Variants in ARMC2 observed in about 807,000 individuals in gnomAD.
ARMC2 encodes the protein armadillo repeat containing 2.
Under a neutral mutation model 90.3 loss-of-function variants are expected in ARMC2, and 67 were observed. The observed-to-expected ratio is 0.74, with a 90% confidence interval of 0.61 to 0.91. The LOEUF is 0.91. ARMC2 is among the 40% of genes least tolerant of loss of function. The pLI, the probability that ARMC2 is intolerant of heterozygous loss-of-function variation, is 0.00. For missense variants in ARMC2, 920 were observed against 1,030.9 expected (o/e 0.89, Z 1.47); for synonymous variants, 393 against 393.0 (o/e 1.00, Z 0.00).
At chr6:108,988,585 T>A in the ARMC2 span, 1 of 1,613,352 alleles carries the variant, frequency 6.2e-7, no homozygotes, top group South Asian at 1.1e-5. Context: ...TATCATACAT[T>A]CTTTTGGTAA....
chr6:108,918,745 G>A (rs944437680), intron 10 of ARMC2, among the ~76,000 whole-genome samples: 1 of 152,170 alleles, frequency 6.6e-6, no homozygotes, highest in Non-Finnish European at 1.5e-5. Flanking sequence ...TCTCTAAAGT[G>A]CTGACTATGC....
the ARMC2 span, chr6:109,009,419 A>C: frequency 2.0e-5 from 29 of 1,453,872 alleles, no homozygotes; most frequent in African/African-American, 3.7e-4. Context: ...AGACCGCCAA[A>C]GGGGCCGTGT....
chr6:108,967,982 C>T (rs1376347167), intron 17 of ARMC2, among the ~76,000 whole-genome samples: 1 of 152,194 alleles, frequency 6.6e-6, no homozygotes, highest in Non-Finnish European at 1.5e-5. Context: ...GAAATCTATA[C>T]TTCTTATATA....
the ARMC2 span, among the ~76,000 whole-genome samples, chr6:108,979,657 A>C: frequency 6.6e-6 from 1 of 151,988 alleles, no homozygotes; most frequent in Non-Finnish European, 1.5e-5. Context: ...GTCTTTTCAC[A>C]TAGTCCCCTA....
At chr6:108,988,495 C>T in the ARMC2 span, 15 of 1,526,762 alleles carry the variant, frequency 9.8e-6, no homozygotes, top group African/African-American at 9.7e-5. Flanking sequence ...AAGGAGACTA[C>T]GAATCATTGC....
intron 3 of ARMC2, among the ~76,000 whole-genome samples, chr6:108,858,732 A>G (rs888169643): frequency 2.0e-5 from 3 of 152,076 alleles, no homozygotes; most frequent in Non-Finnish European, 4.4e-5. Context: ...AAAAACTAAC[A>G]AAAATCCAAT....
chr6:109,039,558 T>C, the ARMC2 span, among the ~76,000 whole-genome samples: 1 of 152,246 alleles, frequency 6.6e-6, no homozygotes. Flanking sequence ...CAGCAAGCAC[T>C]GGCTATCTTT....
intron 17 of ARMC2, 145 bp downstream of exon 17, chr6:108,965,285 T>C: frequency 1.4e-6 from 1 of 740,680 alleles, no homozygotes; most frequent in Non-Finnish European, 2.0e-6. Flanking sequence ...ATTACTATAA[T>C]TTGGAACTGA....
At chr6:108,966,239 C>G (rs1223617521) in intron 17 of ARMC2, among the ~76,000 whole-genome samples, 4 of 151,432 alleles carry the variant, frequency 2.6e-5, no homozygotes, top group South Asian at 2.1e-4. Context: ...CCTTTACACT[C>G]CTTCACTAAC....
chr6:108,976,354 A>G (rs528065336), downstream of ARMC2, among the ~76,000 whole-genome samples: 57 of 151,970 alleles, frequency 3.8e-4, no homozygotes, highest in South Asian at 0.01. Flanking sequence ...GTTCTGTTCC[A>G]TTGGTCTATA....
At chr6:108,897,685 C>T (rs1251157283) in intron 6 of ARMC2, among the ~76,000 whole-genome samples, 2 of 152,016 alleles carry the variant, frequency 1.3e-5, no homozygotes, top group Non-Finnish European at 2.9e-5. Context: ...TGCACAGCGT[C>T]CCTGCTTCTC....
chr6:108,988,740 C>A, the ARMC2 span: 1 of 1,433,588 alleles, frequency 7.0e-7, no homozygotes, highest in South Asian at 1.4e-5. Context: ...AACCTGTTTT[C>A]ATCTTACAAA....
At chr6:108,991,228 AGTGTGT>A in the ARMC2 span, among the ~76,000 whole-genome samples, 4,818 of 148,116 alleles carry the variant, frequency 0.033, 243 homozygotes, top group African/African-American at 0.11. Flanking sequence ...TCAAATTATG[AGTGTGT>A]GTGTGTGTGT....
chr6:108,939,276 T>A (rs1376392378), intron 12 of ARMC2, among the ~76,000 whole-genome samples: 1 of 152,248 alleles, frequency 6.6e-6, no homozygotes, highest in African/African-American at 2.4e-5. Flanking sequence ...TTCCTATTGA[T>A]GTGGTTTGGA....
At chr6:108,886,785 A>T (rs1770399427) in intron 5 of ARMC2, among the ~76,000 whole-genome samples, 2 of 152,166 alleles carry the variant, frequency 1.3e-5, no homozygotes, top group South Asian at 4.1e-4. Flanking sequence ...TATATTATCT[A>T]GCTCTTTAGG....
chr6:109,009,688 TGGG>T, the ARMC2 span: 1 of 424,616 alleles, frequency 2.4e-6, no homozygotes, highest in African/African-American at 2.1e-5. Flanking sequence ...GCGCGGAGGC[TGGG>T]AACTGGCGGT....
At chr6:108,919,058 A>G (rs1448506283) in intron 10 of ARMC2, among the ~76,000 whole-genome samples, 1 of 152,164 alleles carries the variant, frequency 6.6e-6, no homozygotes, top group Non-Finnish European at 1.5e-5. Flanking sequence ...AGGGTAATGT[A>G]TGGGATTCTG....
At chr6:108,927,997 G>T in intron 10 of ARMC2, 91 bp from the exon 11 acceptor site, 1 of 1,284,798 alleles carries the variant, frequency 7.8e-7, no homozygotes. Context: ...ACTGATATAA[G>T]GAAATTTATG....
chr6:109,013,901 A>G, the ARMC2 span, among the ~76,000 whole-genome samples: 2 of 152,100 alleles, frequency 1.3e-5, no homozygotes, highest in Non-Finnish European at 2.9e-5. Flanking sequence ...TTTTATCTAC[A>G]TAGCTTGTCT....
Sources: allele counts gnomAD v4.1 joint callset (sites outside exome capture counted in the v4.1 genomes callset), GRCh38; gene constraint gnomAD v4.1.1; transcripts MANE v1.5; gene names NCBI Gene and HGNC (gene_info 2026-07-23, HGNC 2026-07-21).